Variants in ALK observed in about 807,000 individuals in gnomAD.
ALK encodes ALK receptor tyrosine kinase.
A neutral mutation model predicts 163.1 loss-of-function variants in ALK; 74 were observed. That is an observed-to-expected ratio of 0.45 (90% CI 0.38 to 0.55). The LOEUF is 0.55. ALK is among the 20% of genes least tolerant of loss of function. The probability of loss-of-function intolerance (pLI) is 0.00; values close to 1 mark genes in which losing one functional copy is unlikely to be tolerated. For missense variants in ALK, 2,063 were observed against 2,105.3 expected (o/e 0.98, Z 0.39); for synonymous variants, 960 against 843.2 (o/e 1.14, Z -2.40).
intron 1 of ALK, among the ~76,000 whole-genome samples, chr2:29,856,583 T>C (rs1328044561): frequency 6.6e-6 from 1 of 152,214 alleles, no homozygotes; most frequent in African/African-American, 2.4e-5. Context: ...CCCAGGTCTA[T>C]GTAACTCCAC....
intron 1 of ALK, among the ~76,000 whole-genome samples, chr2:29,747,722 GT>G (rs1161563301): frequency 6.6e-6 from 1 of 152,156 alleles, no homozygotes; most frequent in Non-Finnish European, 1.5e-5. Flanking sequence ...AGAGAAACAA[GT>G]CAGTAATTTC....
At chr2:29,659,568 G>A (rs1295467857) in intron 3 of ALK, among the ~76,000 whole-genome samples, 1 of 152,098 alleles carries the variant, frequency 6.6e-6, no homozygotes, top group African/African-American at 2.4e-5. Flanking sequence ...ACTGACATTT[G>A]GGGAGGCAAA....
intron 5 of ALK, among the ~76,000 whole-genome samples, chr2:29,333,125 T>G (rs1055989444): frequency 2.0e-5 from 3 of 150,142 alleles, no homozygotes; most frequent in South Asian, 2.1e-4. Flanking sequence ...TGTTTTTTTG[T>G]TTTTTTTTGA....
At chr2:29,621,192 G>C (rs1464572823) in intron 3 of ALK, among the ~76,000 whole-genome samples, 1 of 151,888 alleles carries the variant, frequency 6.6e-6, no homozygotes. Flanking sequence ...TGATATTTAA[G>C]ATCTAGGAAA....
chr2:29,509,016 T>C (rs773579557), intron 4 of ALK, among the ~76,000 whole-genome samples: 2 of 152,160 alleles, frequency 1.3e-5, no homozygotes, highest in Non-Finnish European at 2.9e-5. Flanking sequence ...TGGATGTGAG[T>C]AGCGTGTGCA....
At chr2:29,516,979 C>A (rs72794491) in intron 4 of ALK, among the ~76,000 whole-genome samples, 24,291 of 152,244 alleles carry the variant, frequency 0.16, 2,029 homozygotes, top group Non-Finnish European at 0.19. Context: ...CTCACACATT[C>A]GCATGACACT....
intron 13 of ALK, among the ~76,000 whole-genome samples, chr2:29,234,476 C>T (rs79575642): frequency 0.062 from 9,477 of 152,144 alleles, 354 homozygotes; most frequent in Non-Finnish European, 0.088. Flanking sequence ...ATCAGTTCTC[C>T]CTTTTGGACA....
chr2:29,913,251 T>TG (rs1237922172), intron 1 of ALK, among the ~76,000 whole-genome samples: 4 of 152,194 alleles, frequency 2.6e-5, no homozygotes, highest in Non-Finnish European at 5.9e-5. Context: ...TGATAGAATT[T>TG]CCCTGGGAAA....
intron 1 of ALK, among the ~76,000 whole-genome samples, chr2:29,719,925 T>C (rs1679375643): frequency 6.6e-6 from 1 of 152,216 alleles, no homozygotes; most frequent in East Asian, 1.9e-4. Context: ...TCAATCTCCA[T>C]GTGAATAAAA....
At position 29,223,406 on chromosome 2, in the gene ALK, CA is replaced by C; in HGVS notation, c.3294del (p.Phe1098LeufsTer11). ...IMTDYNPNYC[F>X]AGKTSSISDL... ...TCACTGATGGAGGAGGTCTTGCCAG[CA>C]AAGCAGTAGTTGGGGTTGTAGTCGG... is the stretch of plus-strand genomic sequence containing the variant. On this transcript the variant is annotated frameshift_variant, in exon 20 of 29. Coordinates refer to ENST00000389048, the MANE Select transcript of ALK (RefSeq NM_004304.5). LOFTEE classifies it high-confidence loss of function. 6.2e-7 allele frequency: 1 copy of C among 1,614,158 alleles called. No homozygotes were observed. The highest frequency in any genetic ancestry group is 8.5e-7 in the Non-Finnish European group (1 of 1,180,046).
intron 4 of ALK, among the ~76,000 whole-genome samples, chr2:29,417,747 G>A (rs559871755): frequency 2.0e-5 from 3 of 152,134 alleles, no homozygotes; most frequent in African/African-American, 4.8e-5. Context: ...ACTTCCTCAG[G>A]GCTATCCCAT....
chr2:29,220,160 G>A (rs1281150080), intron 23 of ALK, among the ~76,000 whole-genome samples: 1 of 152,196 alleles, frequency 6.6e-6, no homozygotes, highest in African/African-American at 2.4e-5. Context: ...AATCCCTAGT[G>A]TTGGAGGAGG....
At chr2:29,403,711 A>C (rs1281077630) in intron 4 of ALK, among the ~76,000 whole-genome samples, 487 of 10,396 alleles carry the variant, frequency 0.047, 1 homozygote, top group South Asian at 0.17. Context: ...GGTCTCTACA[A>C]AAAAAAAAAA....
At chr2:29,585,579 C>A (rs867985889) in intron 3 of ALK, among the ~76,000 whole-genome samples, 1 of 152,160 alleles carries the variant, frequency 6.6e-6, no homozygotes, top group African/African-American at 2.4e-5. Flanking sequence ...CCACCTGCCT[C>A]GGCCTCCCAA....
intron 4 of ALK, among the ~76,000 whole-genome samples, chr2:29,525,300 G>A (rs993727023): frequency 2.0e-5 from 3 of 152,252 alleles, no homozygotes; most frequent in East Asian, 1.9e-4. Flanking sequence ...AAGTCTTTAA[G>A]CTTTCTTTTT....
At chr2:29,338,663 T>C (rs747946240) in intron 5 of ALK, among the ~76,000 whole-genome samples, 5 of 152,214 alleles carry the variant, frequency 3.3e-5, no homozygotes, top group Non-Finnish European at 5.9e-5. Flanking sequence ...ATTGCCAGCT[T>C]CTCCCACTAA....
At chr2:29,323,348 T>C (rs1490464703) in intron 6 of ALK, among the ~76,000 whole-genome samples, 1 of 152,232 alleles carries the variant, frequency 6.6e-6, no homozygotes, top group Non-Finnish European at 1.5e-5. Flanking sequence ...AAATGCTTGT[T>C]GGAGGCTGCA....
intron 1 of ALK, among the ~76,000 whole-genome samples, chr2:29,734,513 T>C (rs1355487788): frequency 6.6e-6 from 1 of 152,108 alleles, no homozygotes; most frequent in Non-Finnish European, 1.5e-5. Context: ...GAATAAGACA[T>C]GGTCAGTCTA....
At chr2:29,424,334 G>A (rs770385630) in intron 4 of ALK, among the ~76,000 whole-genome samples, 3 of 152,126 alleles carry the variant, frequency 2.0e-5, no homozygotes, top group Non-Finnish European at 2.9e-5. Context: ...CAAAAATCAA[G>A]TAGCACAAAA....
Sources: allele counts gnomAD v4.1 joint callset (sites outside exome capture counted in the v4.1 genomes callset), GRCh38; gene constraint gnomAD v4.1.1; transcripts MANE v1.5; gene names NCBI Gene and HGNC (gene_info 2026-07-23, HGNC 2026-07-21).